LYPLAL1: variants seen among roughly 807,000 people sequenced by gnomAD.
LYPLAL1 encodes lysophospholipase like 1.
A neutral mutation model predicts 19.7 loss-of-function variants in LYPLAL1; 23 were observed. The observed-to-expected ratio is 1.17, with a 90% confidence interval of 0.84 to 1.65. LYPLAL1 has a LOEUF of 1.65. LYPLAL1 is among the 40% of genes most tolerant of loss of function. The probability of loss-of-function intolerance (pLI) is 0.00; values close to 1 mark genes in which losing one functional copy is unlikely to be tolerated. For missense variants in LYPLAL1, 355 were observed against 279.4 expected, an observed-to-expected ratio of 1.27 and a Z score of -1.93; for synonymous variants, 119 against 96.3, an observed-to-expected ratio of 1.24 and a Z score of -1.38.
At chr1:219,368,470 C>A in the LYPLAL1 span, among the ~76,000 whole-genome samples, 3 of 152,126 alleles carry the variant, frequency 2.0e-5, no homozygotes, top group Admixed American at 2.0e-4. Flanking sequence ...CTGGCATATG[C>A]AATTTGAATT....
the LYPLAL1 span, among the ~76,000 whole-genome samples, chr1:219,312,781 A>T: frequency 1.3e-5 from 2 of 152,186 alleles, no homozygotes; most frequent in Non-Finnish European, 2.9e-5. Flanking sequence ...CCTGAAGGCG[A>T]TAGGCTGCGT....
At chr1:219,228,633 A>G in the LYPLAL1 span, among the ~76,000 whole-genome samples, 2 of 152,026 alleles carry the variant, frequency 1.3e-5, no homozygotes, top group South Asian at 2.1e-4. Flanking sequence ...ATCTGGAAAT[A>G]TATTTTTTCA....
At chr1:219,202,573 A>G (rs1057346756) in intron 3 of LYPLAL1, among the ~76,000 whole-genome samples, 7 of 152,242 alleles carry the variant, frequency 4.6e-5, no homozygotes, top group Non-Finnish European at 8.8e-5. Flanking sequence ...AGTGCTATTC[A>G]TAACGTTTTA....
chr1:219,431,797 A>G, the LYPLAL1 span, among the ~76,000 whole-genome samples: 2 of 152,226 alleles, frequency 1.3e-5, no homozygotes, highest in Non-Finnish European at 2.9e-5. Context: ...CAATGAGACA[A>G]CATCATATAG....
At chr1:219,329,341 G>T in the LYPLAL1 span, among the ~76,000 whole-genome samples, 111 of 152,160 alleles carry the variant, frequency 7.3e-4, 1 homozygote, top group Admixed American at 7.3e-3. Flanking sequence ...CTTAATAAAT[G>T]CTCTTTGATT....
At chr1:219,368,368 G>C in the LYPLAL1 span, among the ~76,000 whole-genome samples, 1 of 152,180 alleles carries the variant, frequency 6.6e-6, no homozygotes, top group African/African-American at 2.4e-5. Flanking sequence ...TTAGGACTAA[G>C]GGTGATATTT....
At chr1:219,178,687 C>A (rs967820410) in intron 1 of LYPLAL1, among the ~76,000 whole-genome samples, 2 of 152,072 alleles carry the variant, frequency 1.3e-5, no homozygotes, top group African/African-American at 2.4e-5. Flanking sequence ...ACTGAACACA[C>A]ATTTTGGACT....
At chr1:219,322,730 C>T in the LYPLAL1 span, among the ~76,000 whole-genome samples, 1 of 152,162 alleles carries the variant, frequency 6.6e-6, no homozygotes, top group East Asian at 1.9e-4. Flanking sequence ...TTCACTTCCT[C>T]ACTTAGCCCA....
the LYPLAL1 span, among the ~76,000 whole-genome samples, chr1:219,353,818 A>G: frequency 1.3e-5 from 2 of 152,220 alleles, no homozygotes; most frequent in African/African-American, 4.8e-5. Flanking sequence ...ATAGAAATAC[A>G]TCAAAATATG....
intron 3 of LYPLAL1, among the ~76,000 whole-genome samples, chr1:219,201,677 AAG>A (rs1658115030): frequency 1.3e-5 from 2 of 152,186 alleles, no homozygotes; most frequent in Admixed American, 6.5e-5. Context: ...GAGATACAGA[AAG>A]AGACCACAAA....
the LYPLAL1 span, among the ~76,000 whole-genome samples, chr1:219,403,671 A>G: frequency 6.6e-6 from 1 of 152,358 alleles, no homozygotes; most frequent in Non-Finnish European, 1.5e-5. Context: ...TGCAGTGTAC[A>G]GAGAATAGTC....
At chr1:219,247,222 C>T in the LYPLAL1 span, among the ~76,000 whole-genome samples, 37 of 152,262 alleles carry the variant, frequency 2.4e-4, no homozygotes, top group African/African-American at 7.9e-4. Context: ...ACATTATAGT[C>T]AATAAATGTT....
the LYPLAL1 span, among the ~76,000 whole-genome samples, chr1:219,306,397 A>T: frequency 6.6e-6 from 1 of 152,126 alleles, no homozygotes; most frequent in Non-Finnish European, 1.5e-5. Context: ...TCTGGATGAG[A>T]TTAACATTTG....
chr1:219,268,303 C>T, the LYPLAL1 span, among the ~76,000 whole-genome samples: 2 of 152,296 alleles, frequency 1.3e-5, no homozygotes, highest in South Asian at 2.1e-4. Flanking sequence ...AGATTGTTTT[C>T]TGTGCAAAGG....
At chr1:219,366,834 G>A in the LYPLAL1 span, among the ~76,000 whole-genome samples, 7 of 151,714 alleles carry the variant, frequency 4.6e-5, no homozygotes, top group Non-Finnish European at 7.4e-5. Flanking sequence ...CCACCACTGC[G>A]TCAGTTAAAG....
At chr1:219,229,325 GAGAGAGAGAGAGAC>G in the LYPLAL1 span, among the ~76,000 whole-genome samples, 12 of 107,758 alleles carry the variant, frequency 1.1e-4, no homozygotes, top group South Asian at 8.4e-4. Flanking sequence ...GAGAGAGAGA[GAGAGAGAGAGAGAC>G]ACGCAGGCTA....
At chr1:219,314,781 C>T in the LYPLAL1 span, among the ~76,000 whole-genome samples, 1 of 152,158 alleles carries the variant, frequency 6.6e-6, no homozygotes, top group Admixed American at 6.5e-5. Context: ...TATTGTGAAT[C>T]TTGAGCTAGC....
chr1:219,246,380 T>G, the LYPLAL1 span, among the ~76,000 whole-genome samples: 1 of 152,084 alleles, frequency 6.6e-6, no homozygotes, highest in African/African-American at 2.4e-5. Context: ...CCAATCGGCT[T>G]TATTAGTACT....
chr1:219,365,576 G>A, the LYPLAL1 span, among the ~76,000 whole-genome samples: 1 of 152,130 alleles, frequency 6.6e-6, no homozygotes, highest in African/African-American at 2.4e-5. Context: ...ATTAATAACA[G>A]CTCTTCCCTG....
Sources: gnomAD v4.1 joint callset for allele counts (sites outside exome capture counted in the v4.1 genomes callset) on GRCh38, gnomAD v4.1.1 for gene constraint, MANE v1.5 for transcripts, NCBI Gene and HGNC (gene_info 2026-07-23, HGNC 2026-07-21) for gene names.